Variants in MTHFD2L observed in about 807,000 individuals in gnomAD.
MTHFD2L encodes bifunctional methylenetetrahydrofolate dehydrogenase/cyclohydrolase 2, mitochondrial.
MTHFD2L carries 29 observed loss-of-function variants against 34.9 expected under a neutral mutation model. That is an observed-to-expected ratio of 0.83 (90% CI 0.62 to 1.13). The LOEUF (loss-of-function observed/expected upper bound fraction) is 1.13, where lower values mean the gene tolerates loss of function less well. Among genes scored for constraint, MTHFD2L ranks in the 50% most tolerant of loss-of-function variants. The pLI, the probability that MTHFD2L is intolerant of heterozygous loss-of-function variation, is 0.00. For missense variants in MTHFD2L, 481 were observed against 446.5 expected (o/e 1.08, Z -0.70); for synonymous variants, 167 against 155.7 (o/e 1.07, Z -0.54).
intron 5 of MTHFD2L, among the ~76,000 whole-genome samples, chr4:74,207,320 A>T (rs1015322573): frequency 6.6e-6 from 1 of 152,184 alleles, no homozygotes; most frequent in Non-Finnish European, 1.5e-5. Flanking sequence ...TCCTTTGACT[A>T]AAAGGTTCTG....
intron 6 of MTHFD2L, among the ~76,000 whole-genome samples, chr4:74,241,023 C>T (rs1488382374): frequency 1.3e-5 from 2 of 152,030 alleles, no homozygotes; most frequent in Admixed American, 6.6e-5. Flanking sequence ...CCTAGGGATA[C>T]TAAAATAGAG....
intron 1 of MTHFD2L, among the ~76,000 whole-genome samples, chr4:74,166,092 A>G (rs1183704801): frequency 2.0e-5 from 3 of 152,234 alleles, no homozygotes; most frequent in Non-Finnish European, 4.4e-5. Context: ...CAGACATTGA[A>G]CTATTTAAAA....
At chr4:74,296,757 T>C (rs1749685214) in intron 7 of MTHFD2L, among the ~76,000 whole-genome samples, 1 of 152,104 alleles carries the variant, frequency 6.6e-6, no homozygotes, top group African/African-American at 2.4e-5. Context: ...AGGAGGCATA[T>C]GCAGTATGAC....
At chr4:74,157,077 T>G (rs1724335826), upstream of MTHFD2L, 1 of 152,318 alleles carries the variant, frequency 6.6e-6, no homozygotes, top group Non-Finnish European at 1.5e-5. Context: ...GATTTAAGTG[T>G]TTTATCTAAA....
chr4:74,295,525 C>T (rs745910377), intron 7 of MTHFD2L, among the ~76,000 whole-genome samples: 14 of 152,130 alleles, frequency 9.2e-5, no homozygotes, highest in Non-Finnish European at 1.8e-4. Flanking sequence ...CCTTTCACCC[C>T]AGATATTAAA....
chr4:74,170,957 A>G (rs1044201601), intron 1 of MTHFD2L, among the ~76,000 whole-genome samples: 19 of 123,366 alleles, frequency 1.5e-4, no homozygotes, highest in Non-Finnish European at 2.5e-4. Context: ...GAAGGGGAAC[A>G]TCACACTTCG....
intron 1 of MTHFD2L, among the ~76,000 whole-genome samples, chr4:74,128,626 T>A (rs533174139): frequency 5.9e-5 from 9 of 152,144 alleles, no homozygotes; most frequent in Non-Finnish European, 1.2e-4. Flanking sequence ...ACCTTTGTAG[T>A]ATGTTTTAAA....
At chr4:74,246,855 A>G (rs1742536738) in intron 6 of MTHFD2L, among the ~76,000 whole-genome samples, 1 of 152,196 alleles carries the variant, frequency 6.6e-6, no homozygotes, top group African/African-American at 2.4e-5. Context: ...TTTTGGTACC[A>G]GTAACATGCT....
chr4:74,198,506 CT>C (rs75938955), intron 3 of MTHFD2L, among the ~76,000 whole-genome samples: 18,030 of 152,088 alleles, frequency 0.12, 2,862 homozygotes, highest in African/African-American at 0.36. Flanking sequence ...ATCTATAAAG[CT>C]TTTCATTTCA....
At chr4:74,206,271 ATGTC>A (rs1409663480) in intron 5 of MTHFD2L, among the ~76,000 whole-genome samples, 1 of 152,104 alleles carries the variant, frequency 6.6e-6, no homozygotes, top group Non-Finnish European at 1.5e-5. Context: ...GGTGGAGTAA[ATGTC>A]TGTGTGTCTT....
At chr4:74,154,415 A>AGG (rs1202505394), upstream of MTHFD2L, among the ~76,000 whole-genome samples, 1 of 152,130 alleles carries the variant, frequency 6.6e-6, no homozygotes, top group East Asian at 1.9e-4. Context: ...GTATCTACAT[A>AGG]AATTTTAGGA....
chr4:74,271,642 T>G (rs1203221200), intron 6 of MTHFD2L, among the ~76,000 whole-genome samples: 6 of 152,214 alleles, frequency 3.9e-5, no homozygotes, highest in African/African-American at 1.4e-4. Flanking sequence ...AGGATTGTCT[T>G]GGCAGTGCGG....
At chr4:74,285,568 T>A (rs1387886450) in intron 7 of MTHFD2L, among the ~76,000 whole-genome samples, 3 of 152,168 alleles carry the variant, frequency 2.0e-5, no homozygotes, top group African/African-American at 4.8e-5. Context: ...TAGTAAATAG[T>A]AATATTTGTT....
chr4:74,127,236 C>T (rs954092893), intron 1 of MTHFD2L, among the ~76,000 whole-genome samples: 1 of 152,048 alleles, frequency 6.6e-6, no homozygotes, highest in Non-Finnish European at 1.5e-5. Flanking sequence ...ATGTACATCA[C>T]CTTAAATACT....
chr4:74,188,764 A>G (rs1308467570), intron 3 of MTHFD2L, among the ~76,000 whole-genome samples: 3 of 122,294 alleles, frequency 2.5e-5, no homozygotes, highest in African/African-American at 1.3e-4. Flanking sequence ...GTATATATAT[A>G]TGTGTATACA....
chr4:74,229,286 C>T (rs752124574), intron 6 of MTHFD2L, among the ~76,000 whole-genome samples: 54 of 152,056 alleles, frequency 3.6e-4, no homozygotes, highest in Non-Finnish European at 6.3e-4. Context: ...TCCCATATAA[C>T]CAGACAATAG....
chr4:74,132,159 A>G (rs1009157971), intron 1 of MTHFD2L, among the ~76,000 whole-genome samples: 5 of 152,204 alleles, frequency 3.3e-5, no homozygotes. Flanking sequence ...AAATTAGTTC[A>G]GCCATTATGG....
At chr4:74,268,127 CT>C in intron 6 of MTHFD2L, 1 of 984,380 alleles carries the variant, frequency 1.0e-6, no homozygotes. Context: ...GTTGTAAACA[CT>C]TTTTGAGGAT....
chr4:74,128,309 A>G (rs934531593), intron 1 of MTHFD2L, among the ~76,000 whole-genome samples: 1 of 151,952 alleles, frequency 6.6e-6, no homozygotes, highest in African/African-American at 2.4e-5. Flanking sequence ...ATGTCCTAGA[A>G]TGTTTCCCCA....
Sources: allele counts gnomAD v4.1 joint callset (sites outside exome capture counted in the v4.1 genomes callset), GRCh38; gene constraint gnomAD v4.1.1; transcripts MANE v1.5; gene names NCBI Gene and HGNC (gene_info 2026-07-23, HGNC 2026-07-21).